The following EVL variants were observed in gnomAD, a reference collection of about 807,000 sequenced individuals.
The protein encoded by EVL is ena/VASP-like protein.
Under a neutral mutation model 59.6 loss-of-function variants are expected in EVL, and 21 were observed. The observed-to-expected ratio is 0.35, with a 90% CI of 0.25 to 0.51. The LOEUF is 0.51. Ranked by LOEUF, EVL falls within the 20% of genes least tolerant of loss-of-function variation. EVL has a pLI of 0.97. For synonymous variants in EVL, 198 were observed against 203.5 expected (o/e 0.97, Z 0.23); for missense variants, 462 against 546.6 (o/e 0.85, Z 1.54).
At chr14:100,132,174 C>T (rs1888477297) in intron 7 of EVL, among the ~76,000 whole-genome samples, 1 of 151,334 alleles carries the variant, frequency 6.6e-6, no homozygotes, top group Admixed American at 6.6e-5. Context: ...CGAACCGACT[C>T]AAGGGCGTCA....
chr14:100,128,740 G>C lies in EVL; in HGVS notation c.709G>C (p.Val237Leu), dbSNP rs988236591. The C allele has an allele frequency of 4.4e-6, 7 of 1,604,834 alleles. No homozygotes were observed. In the East Asian group the frequency reaches 6.7e-5, roughly 15 times the overall value. The change falls in exon 6 of 14, where the codon GTC becomes CTC. Residue 237 changes from valine to leucine, a missense_variant. Coordinates refer to ENST00000392920, the MANE Select transcript of EVL (RefSeq NM_016337.3). ...AAIAGAKLRRVQRPEDASGGS... is the reference protein window; with the variant it reads ...AAIAGAKLRRLQRPEDASGGS... ...CATAGCTGGGGCCAAGCTGAGAAGAGTCCAACGGGTAAGAGCTCCTGTGTG... is the reference window on the plus strand; with the variant it reads ...CATAGCTGGGGCCAAGCTGAGAAGACTCCAACGGGTAAGAGCTCCTGTGTG...
intron 1 of EVL, among the ~76,000 whole-genome samples, chr14:100,041,289 C>G (rs561731800): frequency 8.5e-5 from 13 of 152,286 alleles, no homozygotes; most frequent in African/African-American, 3.1e-4. Flanking sequence ...CTGTTACAAG[C>G]CATGAGATGT....
intron 1 of EVL, among the ~76,000 whole-genome samples, chr14:100,011,732 C>T (rs1270489611): frequency 6.6e-6 from 1 of 152,108 alleles, no homozygotes. Flanking sequence ...CTCTTGGTCA[C>T]GTGGATAGTA....
At chr14:100,061,460 CAAAAAAAA>C (rs869039779), upstream of EVL, among the ~76,000 whole-genome samples, 1 of 64,584 alleles carries the variant, frequency 1.5e-5, no homozygotes, top group Non-Finnish European at 3.0e-5. Context: ...CCTCAGGCTG[CAAAAAAAA>C]AAAAAAAAAA....
chr14:100,046,458 C>A (rs973974842), intron 1 of EVL, among the ~76,000 whole-genome samples: 2 of 152,030 alleles, frequency 1.3e-5, no homozygotes, highest in Non-Finnish European at 1.5e-5. Context: ...CTTGATCTCA[C>A]GATTTCAACA....
chr14:99,997,672 G>A (rs947706424), intron 1 of EVL, among the ~76,000 whole-genome samples: 1 of 152,226 alleles, frequency 6.6e-6, no homozygotes, highest in African/African-American at 2.4e-5. Context: ...AACTAGGTCA[G>A]GTGAGGCAAT....
intron 1 of EVL, among the ~76,000 whole-genome samples, chr14:100,009,177 G>C (rs1326429492): frequency 6.6e-6 from 1 of 152,206 alleles, no homozygotes; most frequent in Admixed American, 6.5e-5. Context: ...AGTACTTGTA[G>C]ATTAGGAAGG....
chr14:99,983,624 G>C (rs1036739955), intron 1 of EVL, among the ~76,000 whole-genome samples: 2 of 152,144 alleles, frequency 1.3e-5, no homozygotes, highest in South Asian at 4.1e-4. Context: ...CTGCTGCTCT[G>C]CTGCTTTTGT....
intron 2 of EVL, among the ~76,000 whole-genome samples, chr14:100,089,628 C>T (rs551441106): frequency 6.6e-6 from 1 of 152,322 alleles, no homozygotes; most frequent in African/African-American, 2.4e-5. Flanking sequence ...GCAGCTAGAA[C>T]AGTACATATG....
chr14:100,013,719 A>G (rs2061032196), intron 1 of EVL, among the ~76,000 whole-genome samples: 1 of 152,188 alleles, frequency 6.6e-6, no homozygotes, highest in Non-Finnish European at 1.5e-5. Context: ...TGGAGGTGAT[A>G]TGGTTAGGGT....
At chr14:99,978,756 C>T (rs2060786947) in intron 1 of EVL, among the ~76,000 whole-genome samples, 1 of 152,114 alleles carries the variant, frequency 6.6e-6, no homozygotes, top group Non-Finnish European at 1.5e-5. Context: ...ATGAAAGTAA[C>T]GTATTATTTC....
At chr14:100,068,748 C>T (rs1269139535) in intron 1 of EVL, among the ~76,000 whole-genome samples, 4 of 152,074 alleles carry the variant, frequency 2.6e-5, no homozygotes, top group Non-Finnish European at 5.9e-5. Flanking sequence ...CCTTTCACCA[C>T]GCTGGGGCAG....
At chr14:100,044,826 A>G (rs2061524098) in intron 1 of EVL, among the ~76,000 whole-genome samples, 2 of 152,154 alleles carry the variant, frequency 1.3e-5, no homozygotes, top group African/African-American at 4.8e-5. Flanking sequence ...TAAGGGTTGA[A>G]GCAGGCTCAC....
upstream of EVL, among the ~76,000 whole-genome samples, chr14:100,062,626 A>C (rs1252776234): frequency 6.6e-6 from 1 of 152,188 alleles, no homozygotes; most frequent in Non-Finnish European, 1.5e-5. Flanking sequence ...TAGACTAAAT[A>C]CCCCAATTAA....
chr14:100,085,432 T>C (rs1056243786), intron 2 of EVL, among the ~76,000 whole-genome samples: 6 of 152,192 alleles, frequency 3.9e-5, no homozygotes, highest in Non-Finnish European at 7.4e-5. Flanking sequence ...TAGTCTGATG[T>C]GACATGGACT....
intron 3 of EVL, among the ~76,000 whole-genome samples, chr14:100,116,422 G>A (rs923680959): frequency 6.6e-6 from 1 of 152,188 alleles, no homozygotes; most frequent in African/African-American, 2.4e-5. Flanking sequence ...CTTTTCAGGA[G>A]CCCCAGGGAG....
chr14:100,091,581 C>T (rs1435153021), intron 2 of EVL, among the ~76,000 whole-genome samples: 1 of 152,204 alleles, frequency 6.6e-6, no homozygotes, highest in African/African-American at 2.4e-5. Flanking sequence ...GCTCCATCCT[C>T]TTCCTGCATC....
intron 9 of EVL, 57 bp downstream of exon 9, chr14:100,136,025 G>A: frequency 6.3e-7 from 1 of 1,586,028 alleles, no homozygotes; most frequent in Non-Finnish European, 8.6e-7. Flanking sequence ...AGTGGGAGGG[G>A]GGACCCTTCG....
chr14:100,084,699 C>T lies in EVL; in HGVS notation c.24C>T (p.Ile8=), dbSNP rs1384827555. The T allele has an allele frequency of 6.2e-7, 1 of 1,614,132 alleles. No individual in the cohort carries two copies. Among genetic ancestry groups the T allele is most frequent in the Non-Finnish European group, 8.5e-7 (1 of 1,179,998 alleles). Residue 8 remains isoleucine, a synonymous_variant, in exon 2 of 14, where the codon ATC becomes ATT. Transcript: ENST00000392920. ...TCTTGCTCGGCAGTGAACAGAGTAT[C>T]TGCCAAGCCCGGGCTTCCGTGATGG... MATSEQS[I]CQARASVMVY... is the part of the protein sequence containing the mutation.
Sources: gnomAD v4.1 joint callset for allele counts (sites outside exome capture counted in the v4.1 genomes callset) on GRCh38, gnomAD v4.1.1 for gene constraint, MANE v1.5 for transcripts, NCBI Gene and HGNC (gene_info 2026-07-23, HGNC 2026-07-21) for gene names.